The following ALPK1 variants were observed in gnomAD, a reference collection of about 807,000 sequenced individuals.
The protein encoded by ALPK1 is alpha-protein kinase 1.
ALPK1 carries 110 observed loss-of-function variants against 120.6 expected under a neutral mutation model. The observed-to-expected ratio is 0.91, with a 90% CI of 0.78 to 1.07. The LOEUF is 1.07. Ranked by LOEUF, ALPK1 falls within the 50% of genes least tolerant of loss-of-function variation. The pLI, the probability that ALPK1 is intolerant of heterozygous loss-of-function variation, is 0.00. For synonymous variants in ALPK1, 582 were observed against 560.3 expected (o/e 1.04, Z -0.55); for missense variants, 1,498 against 1,483.9 (o/e 1.01, Z -0.16).
At chr4:112,301,883 G>T (rs565589864) in intron 1 of ALPK1, among the ~76,000 whole-genome samples, 2 of 151,966 alleles carry the variant, frequency 1.3e-5, no homozygotes, top group African/African-American at 4.8e-5. Flanking sequence ...GTGAGCTATC[G>T]ACTTACAGAT....
At chr4:112,403,576 C>T (rs1450121491) in intron 4 of ALPK1, among the ~76,000 whole-genome samples, 2 of 152,172 alleles carry the variant, frequency 1.3e-5, no homozygotes, top group African/African-American at 2.4e-5. Flanking sequence ...TAGGATGCTT[C>T]GTTTAGATTT....
intron 2 of ALPK1, among the ~76,000 whole-genome samples, chr4:112,371,488 T>G (rs1731401551): frequency 6.6e-6 from 1 of 152,214 alleles, no homozygotes. Context: ...TCCTTCTACA[T>G]AACAGCCATT....
intron 4 of ALPK1, among the ~76,000 whole-genome samples, chr4:112,392,689 G>C (rs1187423114): frequency 6.6e-6 from 1 of 152,104 alleles, no homozygotes; most frequent in African/African-American, 2.4e-5. Context: ...ACCATGCCTG[G>C]CTAATTTTTT....
intron 4 of ALPK1, among the ~76,000 whole-genome samples, chr4:112,409,507 A>G (rs2148747587): frequency 6.6e-6 from 1 of 152,228 alleles, no homozygotes; most frequent in East Asian, 1.9e-4. Flanking sequence ...GACGTAGGGA[A>G]TCTGCTAGTG....
intron 3 of ALPK1, among the ~76,000 whole-genome samples, chr4:112,380,896 T>C (rs1346233571): frequency 6.6e-6 from 1 of 152,112 alleles, no homozygotes; most frequent in East Asian, 1.9e-4. Flanking sequence ...CCTGCTCCCT[T>C]GGGTTTGGAA....
intron 2 of ALPK1, among the ~76,000 whole-genome samples, chr4:112,341,771 G>A (rs1016068318): frequency 3.3e-5 from 5 of 152,160 alleles, no homozygotes; most frequent in African/African-American, 1.2e-4. Context: ...TCCCTGTGTG[G>A]ACAAAGGCTT....
intron 4 of ALPK1, chr4:112,384,792 G>A (rs1444204329): frequency 6.6e-6 from 1 of 152,198 alleles, no homozygotes; most frequent in African/African-American, 2.4e-5. Context: ...GTCAAGGTAA[G>A]GAGTAAGGAG....
intron 5 of ALPK1, among the ~76,000 whole-genome samples, chr4:112,423,372 G>A (rs1330513378): frequency 6.6e-6 from 1 of 152,230 alleles, no homozygotes; most frequent in Non-Finnish European, 1.5e-5. Flanking sequence ...TGAGGTCAAA[G>A]AAGTCATGAA....
intron 4 of ALPK1, among the ~76,000 whole-genome samples, chr4:112,401,395 G>C (rs1732909192): frequency 6.6e-6 from 1 of 152,190 alleles, no homozygotes; most frequent in Admixed American, 6.6e-5. Context: ...GAAGGAAACT[G>C]AAAGAACAAG....
intron 12 of ALPK1, among the ~76,000 whole-genome samples, chr4:112,435,894 G>A (rs1409564544): frequency 6.6e-6 from 1 of 152,218 alleles, no homozygotes; most frequent in Non-Finnish European, 1.5e-5. Flanking sequence ...ACGATAAAGG[G>A]TATCTTTGAA....
intron 1 of ALPK1, among the ~76,000 whole-genome samples, chr4:112,299,590 C>T (rs937549837): frequency 2.6e-5 from 4 of 152,074 alleles, no homozygotes; most frequent in Admixed American, 2.0e-4. Context: ...TTCAGACATG[C>T]TACACTAATG....
chr4:112,426,428 C>G, intron 7 of ALPK1, 39 bp from the exon 8 acceptor site: 1 of 1,525,508 alleles, frequency 6.6e-7, no homozygotes. Flanking sequence ...CTAGCTGTTC[C>G]TCCCCTGTCC....
chr4:112,393,929 A>AAT (rs3079191), intron 4 of ALPK1, among the ~76,000 whole-genome samples: 1,777 of 150,060 alleles, frequency 0.012, 20 homozygotes, highest in Admixed American at 0.023. Flanking sequence ...ACATGTGTGA[A>AAT]ATATATATAT....
chr4:112,301,448 C>T (rs182406086), intron 1 of ALPK1, among the ~76,000 whole-genome samples: 13 of 152,264 alleles, frequency 8.5e-5, no homozygotes, highest in Admixed American at 2.0e-4. Flanking sequence ...AGCGCCCTTA[C>T]TGTGTTAATT....
intron 11 of ALPK1, among the ~76,000 whole-genome samples, chr4:112,433,872 A>G (rs1182894737): frequency 6.6e-6 from 1 of 152,100 alleles, no homozygotes; most frequent in Non-Finnish European, 1.5e-5. Context: ...GCCTCACCCC[A>G]GAGATTTCCA....
chr4:112,426,312 C>A, intron 7 of ALPK1, 155 bp from the exon 8 acceptor site: 1 of 452,908 alleles, frequency 2.2e-6, no homozygotes, highest in East Asian at 3.5e-5. Context: ...ACTGGAAAAA[C>A]ATTGCTGTGT....
chr4:112,348,576 T>C (rs2148709543), intron 2 of ALPK1, among the ~76,000 whole-genome samples: 1 of 152,344 alleles, frequency 6.6e-6, no homozygotes, highest in East Asian at 1.9e-4. Context: ...TAGCTTGGCA[T>C]GTGGGTGTTT....
intron 1 of ALPK1, among the ~76,000 whole-genome samples, chr4:112,314,999 G>C (rs1728573346): frequency 6.7e-6 from 1 of 148,456 alleles, no homozygotes; most frequent in African/African-American, 2.5e-5. Flanking sequence ...TCCTGCCTCA[G>C]CCTCCTGAGT....
chr4:112,422,708 C>A (rs994766298), intron 5 of ALPK1, among the ~76,000 whole-genome samples: 3 of 152,226 alleles, frequency 2.0e-5, no homozygotes, highest in Admixed American at 6.5e-5. Flanking sequence ...ATTATAAGTA[C>A]TGTCAGCTGG....
Sources: allele counts gnomAD v4.1 joint callset (sites outside exome capture counted in the v4.1 genomes callset), GRCh38; gene constraint gnomAD v4.1.1; transcripts MANE v1.5; gene names NCBI Gene and HGNC (gene_info 2026-07-23, HGNC 2026-07-21).